CCDC91: variants seen among roughly 807,000 people sequenced by gnomAD.
The protein encoded by CCDC91 is coiled-coil domain-containing protein 91.
CCDC91 carries 48 observed loss-of-function variants against 63.2 expected under a neutral mutation model. The observed-to-expected ratio is 0.76, with a 90% CI of 0.60 to 0.97. The LOEUF is 0.97. Ranked by LOEUF, CCDC91 falls within the 50% of genes least tolerant of loss-of-function variation. The probability of loss-of-function intolerance (pLI) is 0.00; values close to 1 mark genes in which losing one functional copy is unlikely to be tolerated. For synonymous variants in CCDC91, 167 were observed against 165.8 expected (o/e 1.01, Z -0.06); for missense variants, 500 against 494.6 (o/e 1.01, Z -0.10).
chr12:28,535,398 C>G (rs1942071450), intron 12 of CCDC91, among the ~76,000 whole-genome samples: 2 of 152,130 alleles, frequency 1.3e-5, no homozygotes, highest in East Asian at 3.9e-4. Context: ...CTTCCATTCC[C>G]TTGCACAACG....
rs750083793 is a variant in CCDC91 at position 28,307,755 on chromosome 12, G to A, written c.576+6G>A. 2 of 1,438,544 alleles carry A rather than the reference G, an allele frequency of 1.4e-6. No individual in the cohort carries two copies. The highest frequency in any genetic ancestry group is 1.9e-6 in the Non-Finnish European group (2 of 1,036,386). The allele number at this position is 1,438,544 out of a possible 1,614,324, so 89.1% of individuals were successfully genotyped here. On this transcript the variant is annotated splice_donor_region_variant and intron_variant, in intron 6 of 12. Transcript: ENST00000536442. ...ATAGATACAAAGAACTTCAGGTAAG[G>A]CGATTGAACTTAAGATTTAAAATGT... is the stretch of plus-strand genomic sequence containing the variant.
At chr12:28,441,792 G>A (rs1357417255) in intron 8 of CCDC91, among the ~76,000 whole-genome samples, 1 of 150,714 alleles carries the variant, frequency 6.6e-6, no homozygotes, top group Non-Finnish European at 1.5e-5. Context: ...TATGGTCAGA[G>A]GAAAATATCA....
At chr12:28,361,379 T>G (rs1039270466) in intron 6 of CCDC91, among the ~76,000 whole-genome samples, 2 of 152,008 alleles carry the variant, frequency 1.3e-5, no homozygotes, top group Non-Finnish European at 2.9e-5. Flanking sequence ...CCCCTTCCTG[T>G]GTCCATGTGT....
chr12:28,526,709 T>A (rs1941293130), intron 12 of CCDC91, among the ~76,000 whole-genome samples: 1 of 152,126 alleles, frequency 6.6e-6, no homozygotes, highest in Admixed American at 6.5e-5. Context: ...TTCTAAACTT[T>A]TAGTTTTCTC....
At chr12:28,252,085 C>T (rs1245295289) in intron 1 of CCDC91, among the ~76,000 whole-genome samples, 2 of 151,890 alleles carry the variant, frequency 1.3e-5, no homozygotes, top group South Asian at 2.1e-4. Flanking sequence ...AATCATTTTC[C>T]CCCAGAATTT....
chr12:28,275,035 C>G (rs1198174834), intron 3 of CCDC91, among the ~76,000 whole-genome samples: 1 of 152,028 alleles, frequency 6.6e-6, no homozygotes, highest in Non-Finnish European at 1.5e-5. Context: ...CTAAAATTGA[C>G]ACCCTAACAT....
chr12:28,355,924 T>TTAA (rs1943494158), intron 6 of CCDC91, among the ~76,000 whole-genome samples: 1 of 152,184 alleles, frequency 6.6e-6, no homozygotes, highest in East Asian at 1.9e-4. Flanking sequence ...GACAATCTTA[T>TTAA]TAAGGGCATC....
chr12:28,525,147 G>GTTTGGT (rs1251305404), intron 12 of CCDC91, among the ~76,000 whole-genome samples: 1 of 151,904 alleles, frequency 6.6e-6, no homozygotes, highest in Non-Finnish European at 1.5e-5. Context: ...CTGGGTTTGG[G>GTTTGGT]TTTGGTTTGT....
chr12:28,383,602 T>G (rs1411717112), intron 7 of CCDC91, among the ~76,000 whole-genome samples: 1 of 152,110 alleles, frequency 6.6e-6, no homozygotes, highest in Non-Finnish European at 1.5e-5. Context: ...TCTGCCTGGC[T>G]GGGCTGCGGG....
chr12:28,327,705 C>T (rs561354289), intron 6 of CCDC91, among the ~76,000 whole-genome samples: 13 of 152,094 alleles, frequency 8.5e-5, no homozygotes, highest in Non-Finnish European at 1.9e-4. Flanking sequence ...CGTGAAACAA[C>T]GAACCTTGGG....
chr12:28,438,454 A>T (rs1211220385), intron 8 of CCDC91, among the ~76,000 whole-genome samples: 1 of 152,166 alleles, frequency 6.6e-6, no homozygotes, highest in Non-Finnish European at 1.5e-5. Context: ...TCTTGATCTT[A>T]GACTTTCTAG....
At chr12:28,249,567 G>A (rs1269223152) in intron 1 of CCDC91, among the ~76,000 whole-genome samples, 3 of 152,142 alleles carry the variant, frequency 2.0e-5, no homozygotes, top group African/African-American at 7.2e-5. Flanking sequence ...GCTTCTTTAT[G>A]GGAGCTAAAC....
chr12:28,382,813 G>A (rs1345470215), intron 7 of CCDC91, among the ~76,000 whole-genome samples: 3 of 152,004 alleles, frequency 2.0e-5, no homozygotes, highest in Non-Finnish European at 4.4e-5. Flanking sequence ...ATAACTAGGT[G>A]CTCTACTTAA....
intron 1 of CCDC91, among the ~76,000 whole-genome samples, chr12:28,201,651 G>T (rs869156003): frequency 6.8e-6 from 1 of 146,328 alleles, no homozygotes; most frequent in African/African-American, 2.5e-5. Flanking sequence ...GCTGCAATCT[G>T]GGCACTTTGG....
intron 6 of CCDC91, among the ~76,000 whole-genome samples, chr12:28,335,261 T>C (rs1277753062): frequency 1.5e-5 from 2 of 136,496 alleles, no homozygotes; most frequent in Non-Finnish European, 3.1e-5. Flanking sequence ...ATAATACATA[T>C]AATATATAAT....
intron 12 of CCDC91, among the ~76,000 whole-genome samples, chr12:28,521,847 T>C (rs911769608): frequency 3.9e-5 from 6 of 152,186 alleles, no homozygotes; most frequent in African/African-American, 9.7e-5. Context: ...GTTTTTGTCA[T>C]TGGTTCTGTT....
At chr12:28,260,708 C>G (rs1946768611) in intron 3 of CCDC91, among the ~76,000 whole-genome samples, 2 of 151,832 alleles carry the variant, frequency 1.3e-5, no homozygotes, top group Non-Finnish European at 2.9e-5. Context: ...AAATGTGGGG[C>G]ATAGTATCTG....
intron 7 of CCDC91, among the ~76,000 whole-genome samples, chr12:28,382,462 G>A (rs540679179): frequency 1.1e-4 from 16 of 151,906 alleles, no homozygotes; most frequent in Non-Finnish European, 1.5e-4. Flanking sequence ...CACCATTAAT[G>A]TAAAAAAAAA....
rs568410755 is a variant in CCDC91, at chr12:28,508,798, G to A, written c.1215+24633G>A. The stretch of plus-strand genomic sequence containing the variant: ...ATCTGAGTCAGTTATTAAGAATGGC[G>A]ATAAGTAAGTAGGGCCACTCTTATT... On this transcript the variant is annotated intron_variant, in intron 12 of 12. Coordinates refer to ENST00000536442, the MANE Select transcript of CCDC91 (RefSeq NM_018318.5). Among the ~76,000 whole-genome samples, 100 of 151,972 alleles carry A rather than the reference G, an allele frequency of 6.6e-4. 1 individual carries two copies. Among genetic ancestry groups the A allele is most frequent in the Non-Finnish European group, 8.4e-4 (57 of 67,922 alleles).
Sources: allele counts gnomAD v4.1 joint callset (sites outside exome capture counted in the v4.1 genomes callset), GRCh38; gene constraint gnomAD v4.1.1; transcripts MANE v1.5; gene names NCBI Gene and HGNC (gene_info 2026-07-23, HGNC 2026-07-21).